Variants in VMP1 observed in about 807,000 individuals in gnomAD.
VMP1 encodes the protein ectopic P-granules autophagy protein 3 homolog.
Under a neutral mutation model 56.0 loss-of-function variants are expected in VMP1, and 11 were observed. The ratio of observed to expected loss-of-function variants is 0.20; its 90% confidence interval spans 0.12 to 0.32. The LOEUF is 0.32. Ranked by LOEUF, VMP1 falls within the 10% of genes least tolerant of loss-of-function variation. VMP1 has a pLI of 1.00. For synonymous variants in VMP1, 149 were observed against 165.0 expected (o/e 0.90, Z 0.74); for missense variants, 296 against 490.3 (o/e 0.60, Z 3.74).
In VMP1 at chr17:59,814,090, T is replaced by G. The variant is rs143869477; in HGVS notation, c.912+2304T>G. Reference sequence around the variant, plus strand: ...CCGCCTCCCAGGTTCAAACGATTCTTTTGTTTCAGCCTCCAGAGTAAGTGG... The same window carrying G: ...CCGCCTCCCAGGTTCAAACGATTCTGTTGTTTCAGCCTCCAGAGTAAGTGG... On this transcript the variant is annotated intron_variant, in intron 9 of 11. Transcript: ENST00000262291. Among the ~76,000 whole-genome samples the G allele has an allele frequency of 1.0e-3, 152 of 152,208 alleles. 2 individuals are homozygous for G. Among genetic ancestry groups the G allele is most frequent in the Middle Eastern group, 6.8e-3 (2 of 294 alleles).
At chr17:59,762,207 A>G (rs2333563) in intron 5 of VMP1, among the ~76,000 whole-genome samples, 68,411 of 152,060 alleles carry the variant, frequency 0.45, 18,034 homozygotes, top group African/African-American at 0.73. Context: ...GCCATAGACC[A>G]GGATCCCTAA....
intron 7 of VMP1, among the ~76,000 whole-genome samples, chr17:59,799,256 CCTTG>C (rs968935388): frequency 6.6e-6 from 1 of 151,990 alleles, no homozygotes; most frequent in African/African-American, 2.4e-5. Flanking sequence ...AATAAAATAT[CCTTG>C]CTTTTATGAA....
intron 7 of VMP1, among the ~76,000 whole-genome samples, chr17:59,794,052 C>T (rs1419915073): frequency 6.6e-5 from 10 of 151,484 alleles, no homozygotes; most frequent in Non-Finnish European, 2.9e-5. Flanking sequence ...TCCCGAGTAG[C>T]TGGGACTACA....
At chr17:59,838,608 AG>A in intron 11 of VMP1, 1 of 553,810 alleles carries the variant, frequency 1.8e-6, no homozygotes, top group African/African-American at 1.9e-5. Flanking sequence ...CCTAAAAACA[AG>A]GGTAGAGCCA....
chr17:59,777,766 A>T (rs2036673724), intron 7 of VMP1, among the ~76,000 whole-genome samples: 1 of 152,134 alleles, frequency 6.6e-6, no homozygotes, highest in Admixed American at 6.6e-5. Flanking sequence ...GTGAGCCAAG[A>T]TCATGCCACT....
At chr17:59,765,227 C>T (rs900269483) in intron 6 of VMP1, 89 bp downstream of exon 6, 1 of 1,396,384 alleles carries the variant, frequency 7.2e-7, no homozygotes, top group African/African-American at 1.4e-5. Context: ...TAAACATATT[C>T]CTTGTCAGTA....
chr17:59,817,864 C>G, intron 10 of VMP1, 91 bp downstream of exon 10: 1 of 1,027,300 alleles, frequency 9.7e-7, no homozygotes, highest in Non-Finnish European at 1.4e-6. Context: ...GAATTTTTGA[C>G]ATAGTTCTTT....
intron 7 of VMP1, among the ~76,000 whole-genome samples, chr17:59,794,412 G>C (rs1463866682): frequency 6.7e-6 from 1 of 149,256 alleles, no homozygotes; most frequent in Non-Finnish European, 1.5e-5. Flanking sequence ...TAGAGACGGG[G>C]TTTCACCATG....
Position 59,731,504 on chromosome 17 carries a change from C to G in VMP1, c.58C>G (p.His20Asp). 6.3e-7 allele frequency: 1 copy of G among 1,584,566 alleles called. No homozygotes were observed. Among genetic ancestry groups the G allele is most frequent in the Non-Finnish European group, 8.6e-7 (1 of 1,169,380 alleles). The change falls in exon 2 of 12, where the codon CAT becomes GAT. Residue 20 changes from histidine to aspartate, a missense_variant. Coordinates refer to ENST00000262291, the MANE Select transcript of VMP1 (RefSeq NM_030938.5). ...QRRVAMNKEHHNGNFTDPSSV... is the reference protein window; with the variant it reads ...QRRVAMNKEHDNGNFTDPSSV... The stretch of plus-strand genomic sequence containing the variant: ...ACGTGTAGCAATGAACAAGGAACAT[C>G]ATAATGGAAATTTCACAGGTAAATT...
chr17:59,738,833 T>TC lies in VMP1; in HGVS notation c.304-3dup. On this transcript the variant is annotated splice_polypyrimidine_tract_variant and splice_region_variant and intron_variant, in intron 4 of 11. Transcript: ENST00000262291. ...ACGGTTTTCACCTCATCCCTTTTTT[T>TC]CAGTATGTGCAACGTATAGAGAAAC... The TC allele has an allele frequency of 6.2e-7, 1 of 1,605,590 alleles. No individual in the cohort carries two copies. Among genetic ancestry groups the TC allele is most frequent in the Non-Finnish European group, 8.5e-7 (1 of 1,174,042 alleles).
intron 6 of VMP1, among the ~76,000 whole-genome samples, chr17:59,773,242 G>A (rs1036328560): frequency 4.6e-5 from 7 of 151,742 alleles, no homozygotes; most frequent in African/African-American, 1.7e-4. Flanking sequence ...TTACAGGCGT[G>A]AGCCACCATG....
At chr17:59,784,711 C>T (rs2036947954) in intron 7 of VMP1, 1 of 152,106 alleles carries the variant, frequency 6.6e-6, no homozygotes, top group East Asian at 1.9e-4. Flanking sequence ...AATATTCAGT[C>T]TTATTTTGCT....
intron 7 of VMP1, among the ~76,000 whole-genome samples, chr17:59,806,410 C>A (rs1598421046): frequency 6.6e-6 from 1 of 152,008 alleles, no homozygotes; most frequent in Non-Finnish European, 1.5e-5. Flanking sequence ...CCCTTTGCTG[C>A]AGTAGTTCAG....
At position 59,741,320 on chromosome 17, in the gene VMP1, A is replaced by C. The variant is rs567161296; in HGVS notation, c.414+2373A>C. Among the ~76,000 whole-genome samples the C allele has an allele frequency of 5.3e-5, 8 of 152,334 alleles. No individual in the cohort carries two copies. The East Asian group carries it at 1.5e-3, about 29-fold the overall frequency. ...ATTGAAGGTGGAAGAGAAGAGGAGC[A>C]GTTAGGATTATCCTTATGAGAGACA... On this transcript the variant is annotated intron_variant, in intron 5 of 11. Coordinates refer to ENST00000262291, the MANE Select transcript of VMP1 (RefSeq NM_030938.5).
chr17:59,710,402 T>C (rs1568000881), intron 1 of VMP1, among the ~76,000 whole-genome samples: 1 of 152,182 alleles, frequency 6.6e-6, no homozygotes, highest in Non-Finnish European at 1.5e-5. Context: ...TTCTTTCTGT[T>C]CTAACAAGGT....
At chr17:59,708,921 C>A (rs2033797021) in intron 1 of VMP1, among the ~76,000 whole-genome samples, 1 of 152,172 alleles carries the variant, frequency 6.6e-6, no homozygotes, top group African/African-American at 2.4e-5. Flanking sequence ...TTATATTTTA[C>A]TACTTTGCCT....
chr17:59,759,722 T>G (rs1194586228), intron 5 of VMP1, among the ~76,000 whole-genome samples: 1 of 152,142 alleles, frequency 6.6e-6, no homozygotes, highest in Non-Finnish European at 1.5e-5. Flanking sequence ...AGTGTGACAG[T>G]GTCTGCCTGA....
intron 7 of VMP1, among the ~76,000 whole-genome samples, chr17:59,784,136 T>A (rs866248129): frequency 5.7e-4 from 78 of 136,246 alleles, no homozygotes; most frequent in African/African-American, 2.2e-3. Flanking sequence ...TGTGTGTGTG[T>A]GTGTGTGAGA....
intron 8 of VMP1, 102 bp downstream of exon 8, chr17:59,808,978 G>A: frequency 1.1e-6 from 1 of 927,384 alleles, no homozygotes. Flanking sequence ...CTTTTATTGG[G>A]TATGTAATTT....
Sources: allele counts gnomAD v4.1 joint callset (sites outside exome capture counted in the v4.1 genomes callset), GRCh38; gene constraint gnomAD v4.1.1; transcripts MANE v1.5; gene names NCBI Gene and HGNC (gene_info 2026-07-23, HGNC 2026-07-21).